SYNPR: variants seen among roughly 807,000 people sequenced by gnomAD.
SYNPR encodes synaptoporin.
Under a neutral mutation model 32.9 loss-of-function variants are expected in SYNPR, and 23 were observed. The observed-to-expected ratio is 0.70, with a 90% CI of 0.50 to 0.99. The LOEUF (loss-of-function observed/expected upper bound fraction) is 0.99. Among genes scored for constraint, SYNPR ranks in the 50% least tolerant of loss-of-function variants. SYNPR has a pLI of 0.00. For missense variants in SYNPR, 318 were observed against 349.3 expected, an observed-to-expected ratio of 0.91 and a Z score of 0.71; for synonymous variants, 146 against 135.9, an observed-to-expected ratio of 1.07 and a Z score of -0.52.
chr3:63,203,960 T>C, the SYNPR span, among the ~76,000 whole-genome samples: 4 of 152,078 alleles, frequency 2.6e-5, no homozygotes, highest in South Asian at 2.1e-4. Flanking sequence ...GATGGCGCCA[T>C]GGCATTCCAT....
At chr3:63,283,022 G>T (rs1002489177) in intron 2 of SYNPR, among the ~76,000 whole-genome samples, 7 of 152,162 alleles carry the variant, frequency 4.6e-5, no homozygotes, top group African/African-American at 1.7e-4. Flanking sequence ...TTTCAGAAGG[G>T]TGTAATTTGA....
intron 3 of SYNPR, among the ~76,000 whole-genome samples, chr3:63,543,931 C>G (rs149920952): frequency 6.6e-6 from 1 of 151,918 alleles, no homozygotes; most frequent in Non-Finnish European, 1.5e-5. Context: ...AGGTGGGTGG[C>G]GGGGCGTTAT....
intron 3 of SYNPR, among the ~76,000 whole-genome samples, chr3:63,527,672 G>C (rs1161257921): frequency 6.6e-6 from 1 of 152,132 alleles, no homozygotes; most frequent in Non-Finnish European, 1.5e-5. Flanking sequence ...TCCTTGAAAA[G>C]ATTTCCCCTG....
At chr3:63,594,515 T>G (rs1699898561) in intron 4 of SYNPR, among the ~76,000 whole-genome samples, 1 of 152,158 alleles carries the variant, frequency 6.6e-6, no homozygotes, top group Non-Finnish European at 1.5e-5. Context: ...CGTGTTTTTA[T>G]AAGATTAAGA....
At chr3:63,357,940 T>A (rs1168049346) in intron 2 of SYNPR, among the ~76,000 whole-genome samples, 1 of 152,160 alleles carries the variant, frequency 6.6e-6, no homozygotes, top group African/African-American at 2.4e-5. Context: ...CATCTTATAG[T>A]GTAGGAAAAA....
At chr3:63,276,681 G>C (rs755749956), upstream of SYNPR, among the ~76,000 whole-genome samples, 10 of 126,244 alleles carry the variant, frequency 7.9e-5, 1 homozygote, top group Admixed American at 3.3e-4. Flanking sequence ...GTTTCTAATT[G>C]TTTTAGGCTC....
intron 4 of SYNPR, among the ~76,000 whole-genome samples, chr3:63,560,738 A>C (rs554994435): frequency 2.0e-5 from 3 of 152,314 alleles, no homozygotes; most frequent in Admixed American, 2.0e-4. Flanking sequence ...CAAGTGAGGA[A>C]CTACCAAACA....
At chr3:63,579,358 T>C (rs1054851794) in intron 4 of SYNPR, among the ~76,000 whole-genome samples, 1 of 152,136 alleles carries the variant, frequency 6.6e-6, no homozygotes, top group African/African-American at 2.4e-5. Flanking sequence ...CAAGTGTTTA[T>C]GCAAAACCCA....
rs34834899 is a variant in SYNPR at position 63,615,786 on chromosome 3, G to T, written c.*305G>T. On this transcript the variant is annotated 3_prime_UTR_variant, in exon 6 of 6. Coordinates refer to ENST00000478300, the MANE Select transcript of SYNPR (RefSeq NM_001130003.2). ...TAGTAGAAGTATTTTGTAGCTTAAA[G>T]TCTCTAGTATGTAATATGCATAAAG... 8.1e-6 allele frequency: 2 copies of T among 246,416 alleles called. No homozygotes were observed. Among genetic ancestry groups the T allele is most frequent in the South Asian group, 1.1e-4 (1 of 9,290 alleles). 15.3% of individuals were successfully genotyped at this position (246,416 alleles called of 1,614,324 possible). A position where few individuals can be genotyped will look rare whatever the true frequency, so the allele number is the denominator to read the frequency against.
chr3:63,442,630 G>T (rs965644274), intron 2 of SYNPR, among the ~76,000 whole-genome samples: 1 of 152,128 alleles, frequency 6.6e-6, no homozygotes, highest in Non-Finnish European at 1.5e-5. Context: ...GATCCATGTC[G>T]CACTTAAGCC....
chr3:63,326,072 G>T (rs1177230212), intron 2 of SYNPR, among the ~76,000 whole-genome samples: 2 of 151,880 alleles, frequency 1.3e-5, no homozygotes, highest in Non-Finnish European at 2.9e-5. Context: ...CTTGAATGAG[G>T]ATGAGGTGGG....
chr3:63,471,433 A>T (rs1214424899), intron 2 of SYNPR, among the ~76,000 whole-genome samples: 1 of 152,230 alleles, frequency 6.6e-6, no homozygotes, highest in Non-Finnish European at 1.5e-5. Context: ...TTATACACCC[A>T]TAGCAGTAAC....
chr3:63,576,426 T>C (rs1056555322), intron 4 of SYNPR, among the ~76,000 whole-genome samples: 2 of 152,100 alleles, frequency 1.3e-5, no homozygotes, highest in African/African-American at 4.8e-5. Context: ...TTTCCAAGTT[T>C]TTCTTAAAAC....
At chr3:63,532,374 T>G (rs543969084) in intron 3 of SYNPR, among the ~76,000 whole-genome samples, 192 of 152,302 alleles carry the variant, frequency 1.3e-3, no homozygotes, top group African/African-American at 4.5e-3. Context: ...AGTATTGCCA[T>G]GAGCAATAAT....
upstream of SYNPR, among the ~76,000 whole-genome samples, chr3:63,223,694 G>T (rs977269577): frequency 1.9e-4 from 29 of 152,296 alleles, no homozygotes; most frequent in African/African-American, 6.3e-4. Context: ...CATGTTATAT[G>T]TGCTATGCAG....
chr3:63,515,251 G>C (rs917817852), intron 3 of SYNPR, among the ~76,000 whole-genome samples: 9 of 151,862 alleles, frequency 5.9e-5, no homozygotes, highest in African/African-American at 2.2e-4. Context: ...TTTCTATGTG[G>C]CTACTCTTCC....
intron 2 of SYNPR, among the ~76,000 whole-genome samples, chr3:63,290,454 A>G (rs9311868): frequency 0.46 from 70,542 of 152,020 alleles, 16,553 homozygotes; most frequent in Middle Eastern, 0.52. Context: ...TAATAGACAA[A>G]GCAAAGCTTA....
intron 2 of SYNPR, among the ~76,000 whole-genome samples, chr3:63,432,193 T>A (rs1700008617): frequency 1.3e-5 from 2 of 152,188 alleles, no homozygotes; most frequent in African/African-American, 2.4e-5. Context: ...CATGGATGCA[T>A]TCTTTATCAA....
chr3:63,543,729 G>A (rs987633258), intron 3 of SYNPR, among the ~76,000 whole-genome samples: 4 of 151,988 alleles, frequency 2.6e-5, no homozygotes, highest in African/African-American at 9.7e-5. Context: ...TAATTTATCT[G>A]GAGAAAGAAG....
Sources: gnomAD v4.1 joint callset for allele counts (sites outside exome capture counted in the v4.1 genomes callset) on GRCh38, gnomAD v4.1.1 for gene constraint, MANE v1.5 for transcripts, NCBI Gene and HGNC (gene_info 2026-07-23, HGNC 2026-07-21) for gene names.